The following EPHA4 variants were observed in gnomAD, a reference collection of about 807,000 sequenced individuals.
EPHA4 encodes ephrin type-A receptor 4.
In EPHA4, 19 loss-of-function variants were observed where a neutral mutation model predicts 108.3. That is an observed-to-expected ratio of 0.18 (90% CI 0.12 to 0.26). The LOEUF (loss-of-function observed/expected upper bound fraction) is 0.26. Ranked by LOEUF, EPHA4 falls within the 10% of genes least tolerant of loss-of-function variation. EPHA4 has a pLI of 1.00. For synonymous variants in EPHA4, 449 were observed against 455.5 expected, an observed-to-expected ratio of 0.99 and a Z score of 0.18; for missense variants, 917 against 1,254.0, an observed-to-expected ratio of 0.73 and a Z score of 4.06.
At chr2:221,501,960 C>T (rs1035157676) in intron 3 of EPHA4, among the ~76,000 whole-genome samples, 15 of 151,984 alleles carry the variant, frequency 9.9e-5, no homozygotes, top group Admixed American at 3.9e-4. Flanking sequence ...CTGTTTTTCC[C>T]TCTTTCCATT....
At chr2:221,509,627 T>A (rs1692763582) in intron 3 of EPHA4, among the ~76,000 whole-genome samples, 1 of 152,192 alleles carries the variant, frequency 6.6e-6, no homozygotes, top group Admixed American at 6.5e-5. Context: ...ATATTTAATT[T>A]TGGTTACCTT....
At chr2:221,451,588 T>C (rs13385102) in intron 8 of EPHA4, among the ~76,000 whole-genome samples, 20,352 of 152,164 alleles carry the variant, frequency 0.13, 1,768 homozygotes, top group East Asian at 0.27. Flanking sequence ...GACAGCATCA[T>C]ATAGGTACAA....
intron 14 of EPHA4, among the ~76,000 whole-genome samples, chr2:221,430,430 G>A (rs1690038011): frequency 6.6e-6 from 1 of 152,164 alleles, no homozygotes; most frequent in South Asian, 2.1e-4. Context: ...GTCAGTTTTG[G>A]TGACGGCCCT....
At chr2:221,473,294 A>G (rs1181115549) in intron 5 of EPHA4, among the ~76,000 whole-genome samples, 1 of 152,154 alleles carries the variant, frequency 6.6e-6, no homozygotes, top group Non-Finnish European at 1.5e-5. Flanking sequence ...GATAGACCAA[A>G]GGTTTGCTTA....
chr2:221,534,549 G>T (rs916049269), intron 3 of EPHA4, among the ~76,000 whole-genome samples: 1 of 152,170 alleles, frequency 6.6e-6, no homozygotes, highest in African/African-American at 2.4e-5. Flanking sequence ...CAGTGGCTGT[G>T]GTTGTGTGAA....
At chr2:221,436,728 T>A in intron 12 of EPHA4, 120 bp from the exon 13 acceptor site, 1 of 1,061,774 alleles carries the variant, frequency 9.4e-7, no homozygotes. Context: ...AAACTCAACA[T>A]TATTTCCAGG....
intron 3 of EPHA4, among the ~76,000 whole-genome samples, chr2:221,554,146 C>T (rs149870603): frequency 1.4e-3 from 218 of 152,278 alleles, no homozygotes; most frequent in African/African-American, 4.9e-3. Flanking sequence ...GCTAATGACA[C>T]CAGGGAACAC....
At chr2:221,509,114 A>T (rs1178696462) in intron 3 of EPHA4, among the ~76,000 whole-genome samples, 1 of 152,216 alleles carries the variant, frequency 6.6e-6, no homozygotes, top group African/African-American at 2.4e-5. Flanking sequence ...TGATTACCTT[A>T]GGTCAGGAGT....
rs202172214 is a variant in EPHA4, at chr2:221,538,618, A to T, written c.823+25113T>A. ...GGCATTTGACTGAACCTGTAAGTTT[A>T]TGCTGGCAAATAAAATAAGCACTGA... On this transcript the variant is annotated intron_variant, in intron 3 of 17. Coordinates refer to ENST00000281821, the MANE Select transcript of EPHA4 (RefSeq NM_004438.5). Among the ~76,000 whole-genome samples, 24 of 152,326 alleles carry T rather than the reference A, an allele frequency of 1.6e-4. 1 individual carries two copies. In the East Asian group the frequency reaches 4.6e-3, roughly 29 times the overall value.
chr2:221,560,355 C>T (rs546821559), intron 3 of EPHA4, among the ~76,000 whole-genome samples: 1 of 152,272 alleles, frequency 6.6e-6, no homozygotes, highest in African/African-American at 2.4e-5. Context: ...TTTACACCCT[C>T]TTTCTTGTCC....
chr2:221,504,632 T>A (rs1692578793), intron 3 of EPHA4, among the ~76,000 whole-genome samples: 1 of 152,050 alleles, frequency 6.6e-6, no homozygotes, highest in Non-Finnish European at 1.5e-5. Context: ...TCTTTATAGT[T>A]CATTTTAAAA....
At chr2:221,556,025 G>C (rs566303947) in intron 3 of EPHA4, among the ~76,000 whole-genome samples, 1 of 152,158 alleles carries the variant, frequency 6.6e-6, no homozygotes, top group Admixed American at 6.5e-5. Context: ...TGATGGACTA[G>C]GTGCAGTAGT....
At position 221,442,395 on chromosome 2, in the gene EPHA4, C is replaced by T. The variant is rs141148376; in HGVS notation, c.2074+434G>A. ...AATCAGGCAGAGCAGACAAGCAAATCCCGCAATATATTCAAGATTCCCAAG... is the reference window on the plus strand; with the variant it reads ...AATCAGGCAGAGCAGACAAGCAAATTCCGCAATATATTCAAGATTCCCAAG... On this transcript the variant is annotated intron_variant, in intron 11 of 17. Transcript: ENST00000281821. 2.2e-3 allele frequency among the ~76,000 whole-genome samples: 340 copies of T among 152,288 alleles called. 2 individuals carry two copies. Among genetic ancestry groups the T allele is most frequent in the African/African-American group, 7.6e-3 (317 of 41,552 alleles).
intron 5 of EPHA4, among the ~76,000 whole-genome samples, chr2:221,469,958 T>C (rs978093042): frequency 9.9e-5 from 15 of 152,202 alleles, no homozygotes; most frequent in African/African-American, 2.7e-4. Flanking sequence ...AAATTGAAGA[T>C]AGATGCTCTT....
intron 3 of EPHA4, among the ~76,000 whole-genome samples, chr2:221,524,197 G>A (rs918437371): frequency 1.2e-4 from 19 of 152,188 alleles, no homozygotes; most frequent in Admixed American, 9.2e-4. Flanking sequence ...AGCCACGTCC[G>A]TGTGCTGCCT....
At chr2:221,429,822 G>C in intron 15 of EPHA4, 136 bp downstream of exon 15, 1 of 831,452 alleles carries the variant, frequency 1.2e-6, no homozygotes, top group Non-Finnish European at 1.9e-6. Flanking sequence ...TCTACTAATT[G>C]AGAAAGAAGC....
At chr2:221,520,541 CACAG>C (rs144152565) in intron 3 of EPHA4, among the ~76,000 whole-genome samples, 1,670 of 34,876 alleles carry the variant, frequency 0.048, 32 homozygotes, top group African/African-American at 0.24. Flanking sequence ...CACACACACA[CACAG>C]AGAGAGAGAG....
chr2:221,459,050 C>T (rs1691055905), intron 5 of EPHA4, among the ~76,000 whole-genome samples: 1 of 152,112 alleles, frequency 6.6e-6, no homozygotes, highest in Non-Finnish European at 1.5e-5. Flanking sequence ...GTATGAATGC[C>T]AACCCCTAAC....
chr2:221,444,960 G>A lies in EPHA4; in HGVS notation c.1774+1163C>T, dbSNP rs961863833. Among the ~76,000 whole-genome samples the A allele has an allele frequency of 2.0e-5, 3 of 151,816 alleles. No individual in the cohort carries two copies. In the South Asian group the frequency reaches 6.2e-4, roughly 32 times the overall value. On this transcript the variant is annotated intron_variant, in intron 9 of 17. Transcript: ENST00000281821. ...TTTTGTAGAGACGGAGTTTTGCCAT[G>A]TTGGCTAGGCTGGTCTCGAACTCCA...
Sources: allele counts gnomAD v4.1 joint callset (sites outside exome capture counted in the v4.1 genomes callset), GRCh38; gene constraint gnomAD v4.1.1; transcripts MANE v1.5; gene names NCBI Gene and HGNC (gene_info 2026-07-23, HGNC 2026-07-21).